Variants in TENM3 observed in about 807,000 individuals in gnomAD.
TENM3 encodes the protein teneurin transmembrane protein 3, also known as teneurin-3.
Under a neutral mutation model 255.1 loss-of-function variants are expected in TENM3, and 63 were observed. The observed-to-expected ratio is 0.25, with a 90% CI of 0.20 to 0.30. The LOEUF is 0.30. Ranked by LOEUF, TENM3 falls within the 10% of genes least tolerant of loss-of-function variation. The pLI, the probability that TENM3 is intolerant of heterozygous loss-of-function variation, is 1.00. For missense variants in TENM3, 2,929 were observed against 3,461.1 expected (o/e 0.85, Z 3.86); for synonymous variants, 1,306 against 1,322.3 (o/e 0.99, Z 0.27).
chr4:182,081,589 A>AG, the TENM3 span, among the ~76,000 whole-genome samples: 31 of 150,708 alleles, frequency 2.1e-4, no homozygotes, highest in East Asian at 4.5e-3. Flanking sequence ...GCCTCAAAAA[A>AG]AAAAAAAAAA....
intron 1 of TENM3, among the ~76,000 whole-genome samples, chr4:182,280,824 G>A (rs1760332056): frequency 6.6e-6 from 1 of 152,238 alleles, no homozygotes; most frequent in East Asian, 1.9e-4. Context: ...ACAGATAAGA[G>A]TGGAGAGGAT....
chr4:182,522,407 C>T (rs1738675117), intron 3 of TENM3, among the ~76,000 whole-genome samples: 1 of 152,164 alleles, frequency 6.6e-6, no homozygotes, highest in Non-Finnish European at 1.5e-5. Context: ...CCACTTTTCT[C>T]AGTCCCACGT....
At chr4:182,187,715 C>T (rs982160327) in intron 1 of TENM3, among the ~76,000 whole-genome samples, 2 of 151,942 alleles carry the variant, frequency 1.3e-5, no homozygotes, top group African/African-American at 2.4e-5. Flanking sequence ...CTTAAAAAAA[C>T]GTTCTAACAG....
intron 1 of TENM3, among the ~76,000 whole-genome samples, chr4:182,191,420 C>A (rs2149788400): frequency 6.6e-6 from 1 of 152,280 alleles, no homozygotes; most frequent in South Asian, 2.1e-4. Flanking sequence ...CAATCACACA[C>A]CCATGATTAC....
intron 7 of TENM3, 116 bp downstream of exon 7, chr4:182,673,335 T>G (rs2082493566): frequency 3.0e-6 from 2 of 667,176 alleles, no homozygotes; most frequent in African/African-American, 3.6e-5. Context: ...TGAATCGACT[T>G]TCTACAGTAG....
chr4:182,470,998 G>A (rs551166669), intron 3 of TENM3, among the ~76,000 whole-genome samples: 2 of 152,178 alleles, frequency 1.3e-5, no homozygotes, highest in African/African-American at 2.4e-5. Context: ...AGTTTACCAC[G>A]TCCGTCAATG....
chr4:182,321,720 C>A (rs541224357), intron 1 of TENM3, among the ~76,000 whole-genome samples: 1 of 151,776 alleles, frequency 6.6e-6, no homozygotes, highest in African/African-American at 2.4e-5. Context: ...CTGAAGTGGG[C>A]GGATCACGAG....
At chr4:181,947,084 G>A in the TENM3 span, among the ~76,000 whole-genome samples, 4 of 152,224 alleles carry the variant, frequency 2.6e-5, no homozygotes, top group East Asian at 1.9e-4. Context: ...CATCCTAGCC[G>A]CAGGATAATT....
At chr4:181,726,821 A>G in the TENM3 span, among the ~76,000 whole-genome samples, 2 of 152,210 alleles carry the variant, frequency 1.3e-5, no homozygotes, top group Non-Finnish European at 2.9e-5. Context: ...AGCAAGCCCC[A>G]GGTTGTTCTA....
At chr4:182,798,731 T>C (rs575378317) in intron 27 of TENM3, among the ~76,000 whole-genome samples, 21 of 152,324 alleles carry the variant, frequency 1.4e-4, no homozygotes, top group Admixed American at 2.0e-4. Flanking sequence ...GCCTTTTAAA[T>C]ATGGTTCAAG....
At chr4:181,980,135 T>G in the TENM3 span, 4 of 152,358 alleles carry the variant, frequency 2.6e-5, no homozygotes, top group African/African-American at 9.6e-5. Flanking sequence ...GAAGGACCAG[T>G]TCTGACCTTT....
the TENM3 span, among the ~76,000 whole-genome samples, chr4:181,855,890 T>G: frequency 2.0e-3 from 215 of 106,608 alleles, no homozygotes; most frequent in Middle Eastern, 0.024. Context: ...GAGAAGGAGG[T>G]AGGAAGGAAG....
chr4:182,128,098 A>G, the TENM3 span, among the ~76,000 whole-genome samples: 1 of 152,128 alleles, frequency 6.6e-6, no homozygotes, highest in Non-Finnish European at 1.5e-5. Flanking sequence ...AAATAATATT[A>G]TTAATGATGT....
chr4:182,452,198 G>C (rs922010314), intron 3 of TENM3, among the ~76,000 whole-genome samples: 1 of 152,188 alleles, frequency 6.6e-6, no homozygotes, highest in African/African-American at 2.4e-5. Context: ...TGAGAAATAG[G>C]ATGTTCTTCC....
chr4:181,630,104 GATTTTCTAGTTCA>G, the TENM3 span, among the ~76,000 whole-genome samples: 2 of 152,268 alleles, frequency 1.3e-5, no homozygotes. Flanking sequence ...ATTTCTTCTG[GATTTTCTAGTTCA>G]TTTGCATAGA....
chr4:182,786,596 A>G (rs184171925), intron 24 of TENM3, among the ~76,000 whole-genome samples: 8 of 151,592 alleles, frequency 5.3e-5, no homozygotes, highest in Non-Finnish European at 7.4e-5. Flanking sequence ...CCCGAGCAGC[A>G]TGGGGTTCCA....
At chr4:181,749,506 C>T in the TENM3 span, among the ~76,000 whole-genome samples, 4 of 152,096 alleles carry the variant, frequency 2.6e-5, no homozygotes, top group East Asian at 1.9e-4. Flanking sequence ...CATTTCTGCC[C>T]ATTCAAAAGC....
chr4:181,956,681 G>T, the TENM3 span, among the ~76,000 whole-genome samples: 1 of 152,292 alleles, frequency 6.6e-6, no homozygotes. Flanking sequence ...ATCAACACTT[G>T]GCATTCTTCG....
chr4:181,932,455 C>A, the TENM3 span, among the ~76,000 whole-genome samples: 2 of 152,102 alleles, frequency 1.3e-5, no homozygotes, highest in African/African-American at 4.8e-5. Flanking sequence ...AAATCAAAAC[C>A]ACAATGAGAT....
Sources: allele counts gnomAD v4.1 joint callset (sites outside exome capture counted in the v4.1 genomes callset), GRCh38; gene constraint gnomAD v4.1.1; transcripts MANE v1.5; gene names NCBI Gene and HGNC (gene_info 2026-07-23, HGNC 2026-07-21).